Variants in MAOA observed in about 807,000 individuals in gnomAD.
The protein encoded by MAOA is monoamine oxidase A, also known as amine oxidase [flavin-containing] A.
Under a neutral mutation model 42.0 loss-of-function variants are expected in MAOA, and 6 were observed. The observed-to-expected ratio is 0.14, with a 90% CI of 0.08 to 0.28. MAOA has a LOEUF of 0.28. Among genes scored for constraint, MAOA ranks in the 10% least tolerant of loss-of-function variants. The pLI is 1.00. For missense variants in MAOA, 262 were observed against 422.3 expected (o/e 0.62, Z 3.33); for synonymous variants, 140 against 154.0 (o/e 0.91, Z 0.67).
chrX:43,719,639 A>T (rs1240279252), intron 5 of MAOA, among the ~76,000 whole-genome samples: 1 of 110,947 alleles, frequency 9.0e-6, no homozygotes, highest in African/African-American at 3.3e-5. Flanking sequence ...TGAATGTTGC[A>T]TTGGAGATGG....
chrX:43,743,558 TC>T, intron 12 of MAOA: 1 of 425,243 alleles, frequency 2.4e-6, no homozygotes, highest in South Asian at 3.5e-5. Context: ...AAGATCAACA[TC>T]CCCTTTAATG....
chrX:43,661,208 A>G (rs2033230976), intron 1 of MAOA, among the ~76,000 whole-genome samples: 1 of 111,579 alleles, frequency 9.0e-6, no homozygotes, highest in African/African-American at 3.3e-5. Flanking sequence ...TATACTAAGC[A>G]GTGACTGGGG....
At chrX:43,719,365 G>A (rs1456562443) in intron 5 of MAOA, among the ~76,000 whole-genome samples, 1 of 110,836 alleles carries the variant, frequency 9.0e-6, no homozygotes, top group Non-Finnish European at 1.9e-5. Flanking sequence ...GACCCGCAGG[G>A]GCAGTAGGTA....
At chrX:43,689,376 GTTTC>G (rs1354182472) in intron 2 of MAOA, among the ~76,000 whole-genome samples, 1 of 111,272 alleles carries the variant, frequency 9.0e-6, no homozygotes, top group Non-Finnish European at 1.9e-5. Context: ...TTTCCTCTTG[GTTTC>G]TTTCTTTCCT....
chrX:43,690,783 G>A (rs1285440124), intron 2 of MAOA, among the ~76,000 whole-genome samples: 4 of 110,868 alleles, frequency 3.6e-5, no homozygotes, highest in African/African-American at 1.3e-4. Context: ...ACTTAGAGCT[G>A]CAAAATAATG....
At chrX:43,725,607 G>A (rs1416042873) in intron 5 of MAOA, among the ~76,000 whole-genome samples, 1 of 111,010 alleles carries the variant, frequency 9.0e-6, no homozygotes, top group Admixed American at 9.6e-5. Flanking sequence ...CACACCGATG[G>A]GTCTTGACTC....
intron 3 of MAOA, among the ~76,000 whole-genome samples, chrX:43,694,214 G>A (rs1022446484): frequency 2.7e-5 from 3 of 111,523 alleles, no homozygotes; most frequent in Non-Finnish European, 5.6e-5. Context: ...TCATTCTAAT[G>A]TCAGGATTCC....
At chrX:43,668,008 T>C (rs891659211) in intron 1 of MAOA, among the ~76,000 whole-genome samples, 4 of 112,019 alleles carry the variant, frequency 3.6e-5, no homozygotes, top group African/African-American at 1.3e-4. Flanking sequence ...TAAGTTTATA[T>C]GTAAGAGAGC....
intron 1 of MAOA, among the ~76,000 whole-genome samples, chrX:43,658,806 T>C (rs1044868928): frequency 7.1e-5 from 8 of 111,995 alleles, no homozygotes; most frequent in Non-Finnish European, 1.3e-4. Flanking sequence ...TGAAAGTAGT[T>C]GCAAGTGTGG....
At chrX:43,681,745 G>A (rs2033444009) in intron 1 of MAOA, among the ~76,000 whole-genome samples, 1 of 109,843 alleles carries the variant, frequency 9.1e-6, no homozygotes, top group Non-Finnish European at 1.9e-5. Context: ...GTTTATCTCT[G>A]TAATAATGAG....
At chrX:43,729,376 A>G (rs2033862890) in intron 6 of MAOA, among the ~76,000 whole-genome samples, 1 of 112,368 alleles carries the variant, frequency 8.9e-6, no homozygotes, top group Non-Finnish European at 1.9e-5. Context: ...GACCTTTTGG[A>G]AAATATGGTT....
chrX:43,676,724 A>G (rs1004502606), intron 1 of MAOA, among the ~76,000 whole-genome samples: 1 of 111,606 alleles, frequency 9.0e-6, no homozygotes, highest in African/African-American at 3.3e-5. Context: ...AAAAATGAGC[A>G]AAGACCCTAT....
chrX:43,728,344 A>G (rs774767995), intron 6 of MAOA, 30 bp downstream of exon 6: 6 of 1,204,726 alleles, frequency 5.0e-6, no homozygotes, highest in Non-Finnish European at 5.6e-6. Context: ...GTTCTGAAAC[A>G]AGAGCTTCAT....
chrX:43,675,314 G>A (rs1191692813), intron 1 of MAOA, among the ~76,000 whole-genome samples: 1 of 111,653 alleles, frequency 9.0e-6, no homozygotes, highest in African/African-American at 3.3e-5. Context: ...GCACTTCTCT[G>A]TATTGGTTAT....
intron 10 of MAOA, among the ~76,000 whole-genome samples, chrX:43,738,427 T>C (rs918674341): frequency 8.9e-6 from 1 of 112,447 alleles, no homozygotes; most frequent in Non-Finnish European, 1.9e-5. Flanking sequence ...ACTATTATAA[T>C]TGTTTTTAAC....
intron 9 of MAOA, among the ~76,000 whole-genome samples, chrX:43,733,190 G>GT (rs1214124032): frequency 9.8e-5 from 11 of 112,196 alleles, no homozygotes; most frequent in Non-Finnish European, 1.7e-4. Flanking sequence ...GGGTTTCTCG[G>GT]TTTTATCCTT....
At chrX:43,736,082 T>C (rs756454896) in intron 9 of MAOA, 145 bp from the exon 10 acceptor site, 1 of 407,514 alleles carries the variant, frequency 2.5e-6, no homozygotes, top group African/African-American at 2.6e-5. Context: ...AAAGACAATA[T>C]GGCATTTGCC....
intron 1 of MAOA, among the ~76,000 whole-genome samples, chrX:43,664,389 G>A (rs932921168): frequency 6.3e-5 from 7 of 111,520 alleles, no homozygotes; most frequent in Admixed American, 9.6e-5. Flanking sequence ...CTTGTGTGAG[G>A]CATAGAATCT....
intron 2 of MAOA, among the ~76,000 whole-genome samples, chrX:43,688,114 C>T (rs377259739): frequency 1.8e-5 from 2 of 112,677 alleles, no homozygotes; most frequent in East Asian, 5.5e-4. Flanking sequence ...TATGTCCTTA[C>T]AATGTCCTGT....
Sources: allele counts gnomAD v4.1 joint callset (sites outside exome capture counted in the v4.1 genomes callset), GRCh38; gene constraint gnomAD v4.1.1; transcripts MANE v1.5; gene names NCBI Gene and HGNC (gene_info 2026-07-23, HGNC 2026-07-21).